PPIP5K2: variants seen among roughly 807,000 people sequenced by gnomAD.
PPIP5K2 encodes the protein diphosphoinositol pentakisphosphate kinase 2.
In PPIP5K2, 105 loss-of-function variants were observed where a neutral mutation model predicts 154.6. That is an observed-to-expected ratio of 0.68 (90% CI 0.58 to 0.80). The LOEUF (loss-of-function observed/expected upper bound fraction) is 0.80. PPIP5K2 is among the 30% of genes least tolerant of loss of function. PPIP5K2 has a pLI of 0.00. For synonymous variants in PPIP5K2, 480 were observed against 490.3 expected, an observed-to-expected ratio of 0.98 and a Z score of 0.28; for missense variants, 992 against 1,504.6, an observed-to-expected ratio of 0.66 and a Z score of 5.64.
At chr5:103,127,971 A>T (rs551734405) in intron 1 of PPIP5K2, among the ~76,000 whole-genome samples, 283 of 152,212 alleles carry the variant, frequency 1.9e-3, no homozygotes, top group Non-Finnish European at 3.4e-3. Context: ...ACATTTTTAC[A>T]TGTTAAACAG....
At chr5:103,190,495 T>G (rs926350126) in intron 28 of PPIP5K2, among the ~76,000 whole-genome samples, 6 of 152,040 alleles carry the variant, frequency 3.9e-5, no homozygotes, top group Admixed American at 2.0e-4. Flanking sequence ...TTTATTCACC[T>G]ATTGAATAGA....
At chr5:103,197,100 C>T (rs1306014261) in intron 30 of PPIP5K2, among the ~76,000 whole-genome samples, 2 of 152,042 alleles carry the variant, frequency 1.3e-5, no homozygotes, top group African/African-American at 4.8e-5. Flanking sequence ...TTTGCATCTG[C>T]GTTTGTGAAA....
In PPIP5K2 at chr5:103,208,061, A is replaced by T. The variant is rs948905476; in HGVS notation, c.*6427A>T. 6.7e-6 allele frequency: 1 copy of T among 149,676 alleles called. No homozygotes were observed. The highest frequency in any genetic ancestry group is 6.7e-5 in the Admixed American group (1 of 14,972). The allele number at this position is 149,676 out of a possible 1,614,324, so 9.3% of individuals were successfully genotyped here. ...TTGTTGTTTTTTAAAATGCAATTTCATATGTTAGGTAGGTTGGCTTTTCTT... is the reference window on the plus strand; with the variant it reads ...TTGTTGTTTTTTAAAATGCAATTTCTTATGTTAGGTAGGTTGGCTTTTCTT... On this transcript the variant is annotated 3_prime_UTR_variant, in exon 31 of 31. Coordinates refer to ENST00000358359, the MANE Select transcript of PPIP5K2 (RefSeq NM_001276277.3).
chr5:103,133,012 A>C (rs1318646044), intron 2 of PPIP5K2, among the ~76,000 whole-genome samples: 2 of 152,218 alleles, frequency 1.3e-5, no homozygotes, highest in East Asian at 3.8e-4. Context: ...ATTCAAGTGC[A>C]AACTACAATA....
At position 103,120,390 on chromosome 5, in the gene PPIP5K2, A is replaced by G. The variant is rs1788443402; in HGVS notation, c.-383A>G. The G allele has an allele frequency of 2.2e-6, 1 of 456,448 alleles. No homozygotes were observed. Among genetic ancestry groups the G allele is most frequent in the Non-Finnish European group, 4.4e-6 (1 of 226,848 alleles). The allele number at this position is 456,448 out of a possible 1,614,324, so 28.3% of individuals were successfully genotyped here. On this transcript the variant is annotated 5_prime_UTR_variant, in exon 1 of 31. Coordinates refer to ENST00000358359, the MANE Select transcript of PPIP5K2 (RefSeq NM_001276277.3). ...CGCCTACAACTGAAGTCTCTTGACA[A>G]ACACCTCACCCCTGCCTCCGGGATG...
At chr5:103,184,552 T>C in intron 25 of PPIP5K2, 120 bp from the exon 26 acceptor site, 3 of 678,476 alleles carry the variant, frequency 4.4e-6, no homozygotes, top group South Asian at 4.2e-5. Flanking sequence ...TATGTATTTC[T>C]ACTAATATTT....
At chr5:103,190,616 A>G (rs1444516609) in intron 28 of PPIP5K2, among the ~76,000 whole-genome samples, 8 of 151,868 alleles carry the variant, frequency 5.3e-5, no homozygotes, top group Admixed American at 6.6e-5. Context: ...AATTGTGTGC[A>G]TGCGATACTA....
chr5:103,193,907 C>T (rs929430897), intron 29 of PPIP5K2, among the ~76,000 whole-genome samples: 2 of 152,162 alleles, frequency 1.3e-5, no homozygotes, highest in Non-Finnish European at 2.9e-5. Flanking sequence ...ATTATCCCTA[C>T]TTCTCCTTTT....
intron 29 of PPIP5K2, chr5:103,194,658 C>A: frequency 3.5e-6 from 1 of 286,734 alleles, no homozygotes; most frequent in Non-Finnish European, 6.6e-6. Flanking sequence ...TCTTGGCATT[C>A]CTTTGGTGCA....
At position 103,138,476 on chromosome 5, in the gene PPIP5K2, G is replaced by C. The variant is rs782748656; in HGVS notation, c.487+7G>C. The C allele has an allele frequency of 6.3e-7, 1 of 1,576,612 alleles. No individual in the cohort carries two copies. Among genetic ancestry groups the C allele is most frequent in the South Asian group, 1.1e-5 (1 of 88,004 alleles). ...GACCCAAATAATCCCAAAGGTAAGA[G>C]TAAGAGATTTTAGGTAAGCTTCCTT... is the stretch of plus-strand genomic sequence containing the variant. On this transcript the variant is annotated splice_region_variant and intron_variant, in intron 5 of 30. Transcript: ENST00000358359.
chr5:103,150,133 A>C (rs189229171), intron 8 of PPIP5K2, among the ~76,000 whole-genome samples: 40 of 152,356 alleles, frequency 2.6e-4, no homozygotes, highest in Admixed American at 2.4e-3. Flanking sequence ...ATGAAGGATA[A>C]AAATTTTACC....
intron 21 of PPIP5K2, among the ~76,000 whole-genome samples, chr5:103,175,083 C>T (rs1798504456): frequency 6.6e-6 from 1 of 152,018 alleles, no homozygotes; most frequent in Non-Finnish European, 1.5e-5. Flanking sequence ...TATTGGTATA[C>T]GCATCTGTGC....
chr5:103,126,857 T>C (rs1789777747), intron 1 of PPIP5K2, among the ~76,000 whole-genome samples: 1 of 151,290 alleles, frequency 6.6e-6, no homozygotes, highest in Non-Finnish European at 1.5e-5. Context: ...CTGACTCAAA[T>C]GTTTATCTCC....
In PPIP5K2 at chr5:103,207,288, A is replaced by G. The variant is rs1437722452; in HGVS notation, c.*5654A>G. ...CTAAATGCCAGCAGCATCGCCTCCA[A>G]ACTGTGGCAGTCAAAAATGTCTCCA... is the stretch of plus-strand genomic sequence containing the variant. On this transcript the variant is annotated 3_prime_UTR_variant, in exon 31 of 31. Transcript: ENST00000358359. 2 of 152,172 alleles carry G rather than the reference A, an allele frequency of 1.3e-5. No homozygotes were observed. Among genetic ancestry groups the G allele is most frequent in the African/African-American group, 4.8e-5 (2 of 41,430 alleles). The allele number at this position is 152,172 out of a possible 1,614,324, so 9.4% of individuals were successfully genotyped here.
At chr5:103,168,612 T>G (rs1797491610) in intron 19 of PPIP5K2, among the ~76,000 whole-genome samples, 1 of 151,518 alleles carries the variant, frequency 6.6e-6, no homozygotes, top group African/African-American at 2.4e-5. Flanking sequence ...TAGCACGTCC[T>G]CCCCCGCATT....
Position 103,201,627 on chromosome 5 carries a change from A to G in PPIP5K2, c.3725A>G (p.Lys1242Arg). Reference sequence around the variant, plus strand: ...GAACACAAAAAAAACACTGGGAAAAAGAAATGAAATCTTAGCAGAAGCTGG... The same window carrying G: ...GAACACAAAAAAAACACTGGGAAAAGGAAATGAAATCTTAGCAGAAGCTGG... ...THEHKKNTGKKK is the reference protein window; with the variant it reads ...THEHKKNTGKRK The change falls in exon 31 of 31, where the codon AAG becomes AGG. Residue 1242 changes from lysine to arginine, a missense_variant. Around this residue, in one of 9 missense-constraint regions of PPIP5K2, gnomAD observed 131 missense variants for 117.8 expected, o/e 1.11. Transcript: ENST00000358359. 1 of 1,589,928 alleles carries G rather than the reference A, an allele frequency of 6.3e-7. No homozygotes were observed. Among genetic ancestry groups the G allele is most frequent in the South Asian group, 1.1e-5 (1 of 88,664 alleles).
In PPIP5K2 at chr5:103,174,033, A is replaced by T. The variant is rs1798356097; in HGVS notation, c.2529+61A>T. The T allele has an allele frequency of 1.2e-5, 15 of 1,254,500 alleles. No individual in the cohort carries two copies. In the African/African-American group the frequency reaches 2.0e-4, roughly 17 times the overall value. The allele number at this position is 1,254,500 out of a possible 1,614,324, so 77.7% of individuals were successfully genotyped here. A position where few individuals can be genotyped will look rare whatever the true frequency, so the allele number is the denominator to read the frequency against. ...ATTTAATTTTGTAATTAAATCACTA[A>T]CTGCTATTTTTACTGTGAAATTTTA... is the stretch of plus-strand genomic sequence containing the variant. On this transcript the variant is annotated intron_variant, in intron 21 of 30. Coordinates refer to ENST00000358359, the MANE Select transcript of PPIP5K2 (RefSeq NM_001276277.3).
intron 27 of PPIP5K2, 43 bp downstream of exon 27, chr5:103,186,482 G>T (rs1338829793): frequency 1.2e-6 from 2 of 1,611,416 alleles, no homozygotes; most frequent in African/African-American, 2.7e-5. Flanking sequence ...CTACACCCAT[G>T]CACACACCCA....
Position 103,146,642 on chromosome 5 carries a change from A to G in PPIP5K2, c.603A>G (p.Pro201=), listed in dbSNP as rs782015196. The change falls in exon 6 of 31, where the codon CCA becomes CCG. Residue 201 remains proline, a synonymous_variant. Transcript: ENST00000358359. ...ATCACAATGTTTACATTTATTACCC[A>G]ACTTCTGCTGGTGGTGGAAGTCAAA... is the stretch of plus-strand genomic sequence containing the variant. ...AEDHNVYIYY[P]TSAGGGSQRL... 1 of 1,611,910 alleles carries G rather than the reference A, an allele frequency of 6.2e-7. No individual in the cohort carries two copies. Among genetic ancestry groups the G allele is most frequent in the South Asian group, 1.1e-5 (1 of 90,926 alleles).
Sources: allele counts gnomAD v4.1 joint callset (sites outside exome capture counted in the v4.1 genomes callset), GRCh38; gene constraint gnomAD v4.1.1; regional missense constraint gnomAD v4.1.1; transcripts MANE v1.5; gene names NCBI Gene and HGNC (gene_info 2026-07-23, HGNC 2026-07-21).